MED19: variants seen among roughly 807,000 people sequenced by gnomAD.
MED19 encodes the protein mediator of RNA polymerase II transcription subunit 19.
Under a neutral mutation model 19.9 loss-of-function variants are expected in MED19, and 4 were observed. The ratio of observed to expected loss-of-function variants is 0.20; its 90% confidence interval spans 0.10 to 0.46. The LOEUF is 0.46. MED19 is among the 20% of genes least tolerant of loss of function. The probability of loss-of-function intolerance (pLI) is 0.99; values close to 1 mark genes in which losing one functional copy is unlikely to be tolerated. For synonymous variants in MED19, 139 were observed against 119.6 expected (o/e 1.16, Z -1.06); for missense variants, 303 against 318.7 (o/e 0.95, Z 0.38).
intron 3 of MED19, 67 bp from the exon 4 acceptor site, chr11:57,704,463 A>C (rs1946483504): frequency 6.5e-7 from 1 of 1,539,728 alleles, no homozygotes; most frequent in African/African-American, 1.4e-5. Context: ...GAACCACTGA[A>C]GACTACAGGA....
intron 1 of MED19, among the ~76,000 whole-genome samples, chr11:57,707,197 CA>C (rs754457524): frequency 0.033 from 1,904 of 57,908 alleles, 24 homozygotes; most frequent in African/African-American, 0.091. Flanking sequence ...GATTCCATCT[CA>C]AAAAAAAAAA....
chr11:57,704,459 C>T, intron 3 of MED19, 63 bp from the exon 4 acceptor site: 1 of 1,536,494 alleles, frequency 6.5e-7, no homozygotes, highest in South Asian at 1.2e-5. Flanking sequence ...TTATGAACCA[C>T]TGAAGACTAC....
At chr11:57,711,275 G>T (rs1298024385) in intron 1 of MED19, among the ~76,000 whole-genome samples, 1 of 152,198 alleles carries the variant, frequency 6.6e-6, no homozygotes, top group Non-Finnish European at 1.5e-5. Flanking sequence ...CAAACCAATA[G>T]CAAGTCTGTG....
intron 1 of MED19, among the ~76,000 whole-genome samples, chr11:57,705,870 C>T (rs1370839411): frequency 1.3e-5 from 2 of 152,106 alleles, no homozygotes; most frequent in Non-Finnish European, 2.9e-5. Context: ...GAGTGTTTCT[C>T]ATAAAATGTA....
In MED19 at chr11:57,705,144, C is replaced by T. The variant is rs200516020; in HGVS notation, c.303G>A (p.Val101=). 7 of 1,614,176 alleles carry T rather than the reference C, an allele frequency of 4.3e-6. No homozygotes were observed. In the East Asian group the frequency reaches 1.3e-4, roughly 31 times the overall value. ...GCAGGAAGTTACTTAGCTTCTCCTT[C>T]ACCTTCTTCCCACAGAATTTATTAT... The change falls in exon 2 of 5, where the codon GTG becomes GTA. Residue 101 remains valine (V), a synonymous_variant. Transcript: ENST00000431606.
In MED19 at chr11:57,704,484, T is replaced by G. The variant is rs549956681; in HGVS notation, c.572-88A>C. On this transcript the variant is annotated intron_variant, in intron 3 of 4. Coordinates refer to ENST00000431606, the Ensembl canonical transcript of MED19. ...CTGAAGACTACAGGAAAATCCCAAG[T>G]CGGGGCAACTGCTTTTGTCCAAATG... is the stretch of plus-strand genomic sequence containing the variant. The G allele has an allele frequency of 1.4e-5, 21 of 1,555,310 alleles. No individual in the cohort carries two copies. In the South Asian group the frequency reaches 1.7e-4, roughly 13 times the overall value.
exon 2 of MED19, chr11:57,705,165 A>G: frequency 6.2e-7 from 1 of 1,614,124 alleles, no homozygotes; most frequent in South Asian, 1.1e-5. Flanking sequence ...CACAGAATTT[A>G]TTATAGGCTT....
exon 1 of MED19, chr11:57,712,044 G>C (rs775156764): frequency 5.2e-6 from 8 of 1,537,054 alleles, no homozygotes; most frequent in Middle Eastern, 2.1e-4. Flanking sequence ...GCCGCGGTGG[G>C]AGGCGGGGCC....
intron 1 of MED19, among the ~76,000 whole-genome samples, chr11:57,711,633 C>A (rs1396794821): frequency 1.3e-5 from 2 of 152,198 alleles, no homozygotes; most frequent in Non-Finnish European, 2.9e-5. Context: ...GGATTACAGG[C>A]GTGAGCCACC....
At chr11:57,705,260 T>C (rs1370260716) in intron 1 of MED19, 31 bp from the exon 2 acceptor site, 1 of 1,607,528 alleles carries the variant, frequency 6.2e-7, no homozygotes, top group East Asian at 2.2e-5. Context: ...ATAAAAAAGA[T>C]CAGTCTTCAA....
At chr11:57,706,767 A>C (rs776067326) in intron 1 of MED19, among the ~76,000 whole-genome samples, 3 of 152,122 alleles carry the variant, frequency 2.0e-5, no homozygotes, top group Admixed American at 6.5e-5. Context: ...AACAAAAACA[A>C]AAAAACAAGT....
At chr11:57,703,889 C>G in exon 5 of MED19, 7 of 1,248,766 alleles carry the variant, frequency 5.6e-6, no homozygotes, top group Non-Finnish European at 7.4e-6. Flanking sequence ...TCCTAATTTA[C>G]TTAGTCTCAA....
At chr11:57,704,200 T>C in intron 4 of MED19, 94 bp from the exon 5 acceptor site, 1 of 1,526,822 alleles carries the variant, frequency 6.5e-7, no homozygotes, top group Non-Finnish European at 8.7e-7. Flanking sequence ...CCTTGGGTTT[T>C]CAATCTTGGG....
intron 1 of MED19, among the ~76,000 whole-genome samples, chr11:57,709,410 G>A (rs1362689427): frequency 6.6e-6 from 1 of 150,822 alleles, no homozygotes; most frequent in Non-Finnish European, 1.5e-5. Flanking sequence ...GCATCTTGGA[G>A]ACCAAACATG....
At chr11:57,707,657 A>G (rs549287004) in intron 1 of MED19, among the ~76,000 whole-genome samples, 18 of 152,110 alleles carry the variant, frequency 1.2e-4, no homozygotes, top group Non-Finnish European at 2.1e-4. Flanking sequence ...ATCTCTCCTC[A>G]TAACTCTGGG....
chr11:57,709,000 AGT>A (rs1946534946), intron 1 of MED19, among the ~76,000 whole-genome samples: 1 of 152,336 alleles, frequency 6.6e-6, no homozygotes, highest in Non-Finnish European at 1.5e-5. Context: ...ACTGCATGTA[AGT>A]GTGTTGTGAA....
At chr11:57,708,104 G>A (rs187878711) in intron 1 of MED19, among the ~76,000 whole-genome samples, 60 of 151,868 alleles carry the variant, frequency 4.0e-4, no homozygotes, top group Admixed American at 2.3e-3. Flanking sequence ...AAAGTGCTAG[G>A]ATTACAGGCG....
At chr11:57,709,548 C>T (rs572382643) in intron 1 of MED19, among the ~76,000 whole-genome samples, 5 of 152,154 alleles carry the variant, frequency 3.3e-5, no homozygotes, top group African/African-American at 4.8e-5. Flanking sequence ...ATTTCCTTCA[C>T]TTCTATATAC....
intron 1 of MED19, among the ~76,000 whole-genome samples, chr11:57,707,286 T>G (rs1398346285): frequency 1.3e-5 from 2 of 152,150 alleles, no homozygotes; most frequent in African/African-American, 4.8e-5. Flanking sequence ...AAATATACAT[T>G]TATTAGTAAC....
Sources: gnomAD v4.1 joint callset for allele counts (sites outside exome capture counted in the v4.1 genomes callset) on GRCh38, gnomAD v4.1.1 for gene constraint, MANE v1.5 for transcripts, NCBI Gene and HGNC (gene_info 2026-07-23, HGNC 2026-07-21) for gene names.